Variants in CHRDL1 observed in about 807,000 individuals in gnomAD.
CHRDL1 encodes the protein chordin like 1, also known as chordin-like protein 1.
A neutral mutation model predicts 40.9 loss-of-function variants in CHRDL1; 19 were observed. The observed-to-expected ratio is 0.46, with a 90% CI of 0.32 to 0.68. The LOEUF is 0.68. Among genes scored for constraint, CHRDL1 ranks in the 30% least tolerant of loss-of-function variants. The pLI is 0.03. For synonymous variants in CHRDL1, 136 were observed against 123.4 expected (o/e 1.10, Z -0.68); for missense variants, 329 against 352.1 (o/e 0.93, Z 0.53).
chrX:110,779,199 C>T (rs2089901719), intron 2 of CHRDL1, among the ~76,000 whole-genome samples: 1 of 111,145 alleles, frequency 9.0e-6, no homozygotes, highest in Non-Finnish European at 1.9e-5. Context: ...CCCCCCGTGA[C>T]ACACATTTGC....
chrX:110,740,248 G>T (rs1299367167), intron 4 of CHRDL1, among the ~76,000 whole-genome samples: 1 of 112,661 alleles, frequency 8.9e-6, no homozygotes, highest in African/African-American at 3.2e-5. Context: ...GTGTGTGATT[G>T]TCATTAGGGC....
intron 4 of CHRDL1, among the ~76,000 whole-genome samples, chrX:110,724,748 A>C (rs1451172278): frequency 9.0e-6 from 1 of 110,672 alleles, no homozygotes; most frequent in Non-Finnish European, 1.9e-5. Flanking sequence ...GACTCCCCAC[A>C]ATCTTGTACA....
Position 110,772,620 on chromosome X carries a change from T to C in CHRDL1, c.95-9813A>G, listed in dbSNP as rs1380571938. Among the ~76,000 whole-genome samples the C allele has an allele frequency of 3.6e-5, 4 of 112,456 alleles. No homozygotes were observed. The Admixed American group carries it at 3.7e-4, about 11-fold the overall frequency. ...TGCCACTGCACTCCAGCCTGAGCGATAGAGCAAGACTCTGTCTCAAAAGCA... is the reference window on the plus strand; with the variant it reads ...TGCCACTGCACTCCAGCCTGAGCGACAGAGCAAGACTCTGTCTCAAAAGCA... On this transcript the variant is annotated intron_variant, in intron 2 of 11. Transcript: ENST00000372042.
At chrX:110,687,166 G>T (rs1184980013) in intron 9 of CHRDL1, among the ~76,000 whole-genome samples, 3 of 111,374 alleles carry the variant, frequency 2.7e-5, no homozygotes, top group Non-Finnish European at 5.6e-5. Flanking sequence ...GGTCTTGAGT[G>T]GGGGCCTGAG....
intron 2 of CHRDL1, among the ~76,000 whole-genome samples, chrX:110,785,127 T>C (rs1413034204): frequency 8.9e-6 from 1 of 111,943 alleles, no homozygotes; most frequent in Non-Finnish European, 1.9e-5. Context: ...GGAATACTTT[T>C]GTTCCCTTTG....
At chrX:110,766,743 C>A (rs1343186209) in intron 2 of CHRDL1, among the ~76,000 whole-genome samples, 2 of 111,324 alleles carry the variant, frequency 1.8e-5, no homozygotes, top group African/African-American at 3.3e-5. Context: ...GGATTCACAG[C>A]AGAATTCTGC....
At chrX:110,684,993 G>T (rs956751690) in intron 9 of CHRDL1, among the ~76,000 whole-genome samples, 5 of 112,175 alleles carry the variant, frequency 4.5e-5, no homozygotes. Context: ...AGCTCTTCCA[G>T]AAAAATCGGT....
At chrX:110,717,662 T>C (rs2070867938) in intron 6 of CHRDL1, among the ~76,000 whole-genome samples, 1 of 112,249 alleles carries the variant, frequency 8.9e-6, no homozygotes, top group African/African-American at 3.2e-5. Context: ...CATAGGGTTG[T>C]CATGAGATTA....
chrX:110,744,205 A>G (rs374358806), intron 4 of CHRDL1, among the ~76,000 whole-genome samples: 1 of 112,538 alleles, frequency 8.9e-6, no homozygotes, highest in African/African-American at 3.2e-5. Context: ...CTTGTGCCCA[A>G]TTCAGTGTCA....
chrX:110,686,897 A>AAAC (rs1313792987), intron 9 of CHRDL1, among the ~76,000 whole-genome samples: 12 of 101,628 alleles, frequency 1.2e-4, no homozygotes, highest in African/African-American at 3.2e-4. Context: ...AAAACAAAAA[A>AAAC]TAAAAAAAAA....
chrX:110,777,502 C>T (rs2089871459), intron 2 of CHRDL1, among the ~76,000 whole-genome samples: 1 of 111,846 alleles, frequency 8.9e-6, no homozygotes, highest in South Asian at 3.7e-4. Flanking sequence ...ACATCCTCAC[C>T]AGCATTTGGT....
chrX:110,685,468 G>T (rs1189857151), intron 9 of CHRDL1, among the ~76,000 whole-genome samples: 1 of 111,397 alleles, frequency 9.0e-6, no homozygotes, highest in Non-Finnish European at 1.9e-5. Flanking sequence ...TTGCCATGTT[G>T]TCCAGGCTGG....
At chrX:110,685,955 C>T (rs997639236) in intron 9 of CHRDL1, among the ~76,000 whole-genome samples, 2 of 99,179 alleles carry the variant, frequency 2.0e-5, no homozygotes, top group South Asian at 4.9e-4. Context: ...CTGGTGTGAT[C>T]GTGGCTCGCT....
intron 4 of CHRDL1, among the ~76,000 whole-genome samples, chrX:110,723,691 A>G (rs2071005697): frequency 8.9e-6 from 1 of 112,121 alleles, no homozygotes; most frequent in Non-Finnish European, 1.9e-5. Flanking sequence ...CCACTAGAAC[A>G]TGAAGGCTAT....
At chrX:110,697,729 GT>G (rs1326701640) in intron 7 of CHRDL1, among the ~76,000 whole-genome samples, 1 of 107,102 alleles carries the variant, frequency 9.3e-6, no homozygotes, top group Non-Finnish European at 1.9e-5. Context: ...GGGCTTGGCT[GT>G]TGTCCAAAAC....
At chrX:110,700,825 T>C (rs2070497900) in intron 6 of CHRDL1, 104 bp from the exon 7 acceptor site, 2 of 537,551 alleles carry the variant, frequency 3.7e-6, no homozygotes, top group Admixed American at 2.9e-5. Context: ...CCCAAAGTTC[T>C]TGAAGTGTTT....
chrX:110,689,052 C>A (rs1327067907), intron 8 of CHRDL1, among the ~76,000 whole-genome samples: 1 of 86,871 alleles, frequency 1.2e-5, no homozygotes, highest in Non-Finnish European at 2.2e-5. Flanking sequence ...ACATAGTAGG[C>A]AGTCCATAAA....
intron 6 of CHRDL1, 119 bp from the exon 7 acceptor site, chrX:110,700,840 T>C (rs147320928): frequency 4.0e-4 from 186 of 470,792 alleles, no homozygotes; most frequent in African/African-American, 3.5e-3. Flanking sequence ...GTGTTTTTGC[T>C]TTTGTGGCTG....
chrX:110,677,659 A>G (rs767278519), intron 11 of CHRDL1, among the ~76,000 whole-genome samples: 6 of 111,208 alleles, frequency 5.4e-5, no homozygotes, highest in African/African-American at 2.0e-4. Context: ...AGGACTCCCA[A>G]CTTTTCCATT....
Sources: gnomAD v4.1 joint callset for allele counts (sites outside exome capture counted in the v4.1 genomes callset) on GRCh38, gnomAD v4.1.1 for gene constraint, MANE v1.5 for transcripts, NCBI Gene and HGNC (gene_info 2026-07-23, HGNC 2026-07-21) for gene names.